The following ABLIM2 variants were observed in gnomAD, a reference collection of about 807,000 sequenced individuals.
ABLIM2 encodes actin-binding LIM protein 2.
ABLIM2 carries 53 observed loss-of-function variants against 97.7 expected under a neutral mutation model. That is an observed-to-expected ratio of 0.54 (90% confidence interval 0.44 to 0.68). ABLIM2 has a LOEUF of 0.68. ABLIM2 is among the 30% of genes least tolerant of loss of function. The probability of loss-of-function intolerance (pLI) is 0.00; values close to 1 mark genes in which losing one functional copy is unlikely to be tolerated. For synonymous variants in ABLIM2, 361 were observed against 345.8 expected, an observed-to-expected ratio of 1.04 and a Z score of -0.49; for missense variants, 835 against 867.2, an observed-to-expected ratio of 0.96 and a Z score of 0.47.
chr4:8,091,096 T>C (rs1279076925), intron 3 of ABLIM2, among the ~76,000 whole-genome samples: 7 of 150,440 alleles, frequency 4.7e-5, no homozygotes, highest in African/African-American at 1.7e-4. Context: ...ACAACGGCAC[T>C]GGAGGGACAC....
chr4:8,097,668 G>C (rs1487751148), intron 2 of ABLIM2, among the ~76,000 whole-genome samples: 1 of 152,194 alleles, frequency 6.6e-6, no homozygotes, highest in Non-Finnish European at 1.5e-5. Context: ...TGGGCATACA[G>C]ATCAGGAAGG....
At chr4:7,989,974 G>C (rs1225049085) in intron 17 of ABLIM2, among the ~76,000 whole-genome samples, 3 of 152,188 alleles carry the variant, frequency 2.0e-5, no homozygotes, top group Non-Finnish European at 4.4e-5. Flanking sequence ...ACTGTGGCAG[G>C]CTTGGCTATT....
rs1054699248 is a variant in ABLIM2 at position 8,075,966 on chromosome 4, A to G, written c.675+1662T>C. On this transcript the variant is annotated intron_variant, in intron 6 of 20. Transcript: ENST00000447017. The surrounding 1 kb of genome is among the most constrained non-coding windows in gnomAD (Gnocchi z 4.4). ...AACTGGCCAGAAAGTTAGGCTAACT[A>G]TGATTGCATAGTCAGTGGTTTTATT... Among the ~76,000 whole-genome samples the G allele has an allele frequency of 3.9e-5, 6 of 152,258 alleles. No homozygotes were observed. Among genetic ancestry groups the G allele is most frequent in the Non-Finnish European group, 7.3e-5 (5 of 68,048 alleles).
intron 18 of ABLIM2, among the ~76,000 whole-genome samples, chr4:7,983,974 C>T (rs1309571101): frequency 2.0e-5 from 3 of 152,240 alleles, no homozygotes; most frequent in South Asian, 2.1e-4. Context: ...TCCCATCTCT[C>T]ACCGTCTTAC....
At position 8,138,177 on chromosome 4, in the gene ABLIM2, G is replaced by A. The variant is rs551099598; in HGVS notation, c.10+20503C>T. Among the ~76,000 whole-genome samples, 41 of 152,196 alleles carry A rather than the reference G, an allele frequency of 2.7e-4. 1 individual carries two copies. Among genetic ancestry groups the A allele is most frequent in the Non-Finnish European group, 5.1e-4 (35 of 68,018 alleles). Reference sequence around the variant, plus strand: ...CTGGGTGTGGGAGAATGGGGAGTGAGTGTTTAAGGGGGACAGAACCTCAGT... The same window carrying A: ...CTGGGTGTGGGAGAATGGGGAGTGAATGTTTAAGGGGGACAGAACCTCAGT... On this transcript the variant is annotated intron_variant, in intron 1 of 20. Transcript: ENST00000447017.
chr4:8,107,562 G>A (rs944515928), intron 1 of ABLIM2, among the ~76,000 whole-genome samples: 12 of 152,358 alleles, frequency 7.9e-5, no homozygotes, highest in African/African-American at 2.6e-4. Context: ...GCAGGACCCA[G>A]CTGCCCGGAC....
At chr4:8,098,223 T>C (rs1365519854) in intron 2 of ABLIM2, among the ~76,000 whole-genome samples, 1 of 152,208 alleles carries the variant, frequency 6.6e-6, no homozygotes, top group Non-Finnish European at 1.5e-5. Context: ...CCAGCCCCTC[T>C]GGCCTGGTCA....
chr4:8,055,090 T>C (rs1210905982), intron 7 of ABLIM2, among the ~76,000 whole-genome samples: 1 of 152,052 alleles, frequency 6.6e-6, no homozygotes, highest in Non-Finnish European at 1.5e-5. Flanking sequence ...ATAAGAATTC[T>C]ACCTTGTCAG....
At chr4:8,089,593 T>C (rs1040812790) in intron 3 of ABLIM2, among the ~76,000 whole-genome samples, 4 of 151,786 alleles carry the variant, frequency 2.6e-5, no homozygotes, top group Non-Finnish European at 4.4e-5. Flanking sequence ...AAATTAGCCA[T>C]GCATGGTGGT....
intron 4 of ABLIM2, among the ~76,000 whole-genome samples, chr4:8,081,691 T>C (rs1334566958): frequency 1.3e-5 from 2 of 152,184 alleles, no homozygotes; most frequent in Non-Finnish European, 2.9e-5. Context: ...TGAGTCTTCC[T>C]GTGAGTCTTC....
intron 2 of ABLIM2, among the ~76,000 whole-genome samples, chr4:8,104,982 C>A (rs1198990374): frequency 6.6e-6 from 1 of 152,170 alleles, no homozygotes; most frequent in African/African-American, 2.4e-5. Context: ...CCCAGGAGAC[C>A]CTCAAGGCGC....
intron 20 of ABLIM2, among the ~76,000 whole-genome samples, chr4:7,982,188 G>A (rs1403396567): frequency 6.7e-6 from 1 of 149,966 alleles, no homozygotes; most frequent in African/African-American, 2.4e-5. Context: ...CGGCATCCAC[G>A]CCCCTCCAAC....
rs890321301 is a variant in ABLIM2, at chr4:8,128,072, A to G, written c.11-21435T>C. 6.6e-6 allele frequency among the ~76,000 whole-genome samples: 1 copy of G among 152,190 alleles called. No homozygotes were observed. Among genetic ancestry groups the G allele is most frequent in the Non-Finnish European group, 1.5e-5 (1 of 68,024 alleles). On this transcript the variant is annotated intron_variant, in intron 1 of 20. Transcript: ENST00000447017. The surrounding 1 kb of genome is among the most constrained non-coding windows in gnomAD (Gnocchi z 4.9). Reference sequence around the variant, plus strand: ...GTGCCAGCAGGACCCTGCTCTTCACAGGGGTATAGGGAGCTCAGGCTGCCT... The same window carrying G: ...GTGCCAGCAGGACCCTGCTCTTCACGGGGGTATAGGGAGCTCAGGCTGCCT...
chr4:8,038,129 A>G (rs1381304652), intron 9 of ABLIM2, among the ~76,000 whole-genome samples: 1 of 152,138 alleles, frequency 6.6e-6, no homozygotes, highest in Non-Finnish European at 1.5e-5. Flanking sequence ...CGAGACATGC[A>G]CTGGGCTGAG....
chr4:8,008,009 G>A (rs750640136), intron 16 of ABLIM2, 50 bp downstream of exon 16: 21 of 1,601,494 alleles, frequency 1.3e-5, no homozygotes, highest in East Asian at 4.5e-5. Flanking sequence ...CCTCTTTGCC[G>A]CGAGGCATTT....
At chr4:8,025,755 G>T (rs1378135485) in intron 12 of ABLIM2, among the ~76,000 whole-genome samples, 2 of 152,158 alleles carry the variant, frequency 1.3e-5, no homozygotes, top group African/African-American at 2.4e-5. Flanking sequence ...CCCTCTCAGG[G>T]ACTCACAGTT....
At chr4:8,104,584 G>A (rs187813225) in intron 2 of ABLIM2, among the ~76,000 whole-genome samples, 2 of 152,286 alleles carry the variant, frequency 1.3e-5, no homozygotes, top group East Asian at 1.9e-4. Flanking sequence ...GAAGGTCGGG[G>A]CTGGGGTCTG....
intron 2 of ABLIM2, among the ~76,000 whole-genome samples, chr4:8,101,362 C>T (rs368477644): frequency 2.0e-5 from 3 of 152,212 alleles, no homozygotes; most frequent in Non-Finnish European, 4.4e-5. Flanking sequence ...TTAGGCTGTG[C>T]GGAACAAGGA....
intron 3 of ABLIM2, among the ~76,000 whole-genome samples, chr4:8,094,551 G>T (rs1355681983): frequency 6.6e-6 from 1 of 152,188 alleles, no homozygotes; most frequent in East Asian, 1.9e-4. Flanking sequence ...AACAGAACAG[G>T]ACAGGGATTT....
Sources: gnomAD v4.1 joint callset for allele counts (sites outside exome capture counted in the v4.1 genomes callset) on GRCh38, gnomAD v4.1.1 for gene constraint, Gnocchi (gnomAD v3.1) non-coding constraint, MANE v1.5 for transcripts, NCBI Gene and HGNC (gene_info 2026-07-23, HGNC 2026-07-21) for gene names.